Variants in EPS15L1 observed in about 807,000 individuals in gnomAD.
EPS15L1 encodes epidermal growth factor receptor substrate 15-like 1.
EPS15L1 carries 43 observed loss-of-function variants against 117.1 expected under a neutral mutation model. The ratio of observed to expected loss-of-function variants is 0.37; its 90% confidence interval spans 0.29 to 0.47. The LOEUF is 0.47. Ranked by LOEUF, EPS15L1 falls within the 20% of genes least tolerant of loss-of-function variation. EPS15L1 has a pLI of 0.99. For synonymous variants in EPS15L1, 459 were observed against 470.5 expected (o/e 0.98, Z 0.32); for missense variants, 981 against 1,164.0 (o/e 0.84, Z 2.29).
rs556818190 is a variant in EPS15L1 at position 16,374,724 on chromosome 19, C to T, written c.2380+2398G>A. Among the ~76,000 whole-genome samples, 6 of 152,254 alleles carry T rather than the reference C, an allele frequency of 3.9e-5. No homozygotes were observed. In the East Asian group the frequency reaches 1.2e-3, roughly 29 times the overall value. ...ACCTGTGAGCTGTTGAGTGGGATGGCTCCTCCTCAGGGCCCAGCAAATACG... is the reference window on the plus strand; with the variant it reads ...ACCTGTGAGCTGTTGAGTGGGATGGTTCCTCCTCAGGGCCCAGCAAATACG... On this transcript the variant is annotated intron_variant, in intron 22 of 23. Coordinates refer to ENST00000455140, the MANE Select transcript of EPS15L1 (RefSeq NM_001258374.3).
At chr19:16,366,790 C>T (rs1250005836) in intron 22 of EPS15L1, among the ~76,000 whole-genome samples, 3 of 152,166 alleles carry the variant, frequency 2.0e-5, no homozygotes, top group African/African-American at 4.8e-5. Flanking sequence ...AGAAAGCCCC[C>T]GGCATCACTG....
At chr19:16,368,285 C>G (rs1043852932) in intron 22 of EPS15L1, among the ~76,000 whole-genome samples, 1 of 152,164 alleles carries the variant, frequency 6.6e-6, no homozygotes, top group Non-Finnish European at 1.5e-5. Context: ...TGATCCTACA[C>G]AACAGTGGAC....
chr19:16,366,844 G>A (rs1396233875), intron 22 of EPS15L1, among the ~76,000 whole-genome samples: 1 of 152,162 alleles, frequency 6.6e-6, no homozygotes. Flanking sequence ...TTTGCTCAGC[G>A]ATTTATTTTT....
At chr19:16,446,354 AACTCTC>A (rs1414250881) in intron 1 of EPS15L1, among the ~76,000 whole-genome samples, 2 of 152,130 alleles carry the variant, frequency 1.3e-5, no homozygotes, top group East Asian at 1.9e-4. Flanking sequence ...CTCCTGCCCA[AACTCTC>A]ACTCTCACTC....
intron 1 of EPS15L1, among the ~76,000 whole-genome samples, chr19:16,464,570 G>A (rs572250384): frequency 2.2e-4 from 33 of 152,268 alleles, no homozygotes; most frequent in Admixed American, 1.9e-3. Context: ...AGTCCCAGCC[G>A]CATGTTTTGG....
intron 15 of EPS15L1, 24 bp downstream of exon 15, chr19:16,403,709 C>G: frequency 1.2e-6 from 2 of 1,605,850 alleles, no homozygotes; most frequent in Non-Finnish European, 1.7e-6. Flanking sequence ...TGGCATGTGG[C>G]AGGGACCCGA....
In EPS15L1 at chr19:16,404,796, C is replaced by T. The variant is rs1352639533; in HGVS notation, c.1267-47G>A. 7 of 1,604,948 alleles carry T rather than the reference C, an allele frequency of 4.4e-6. No homozygotes were observed. Among genetic ancestry groups the T allele is most frequent in the Admixed American group, 1.7e-5 (1 of 59,628 alleles). ...TTACGTGAGGATGGGAAAAATGAAG[C>T]ATGTCCAAGATAACGGGGGGCAGCC... is the stretch of plus-strand genomic sequence containing the variant. On this transcript the variant is annotated intron_variant, in intron 13 of 23. Coordinates refer to ENST00000455140, the MANE Select transcript of EPS15L1 (RefSeq NM_001258374.3). This position sits in a 1 kb window ranked among gnomAD's most constrained non-coding sequence, Gnocchi z 4.2.
rs751672991 is a variant in EPS15L1, at chr19:16,362,019, A to G, written c.2381-35T>C. The G allele has an allele frequency of 2.6e-5, 40 of 1,555,076 alleles. No individual in the cohort carries two copies. The Admixed American group carries it at 7.3e-4, about 28-fold the overall frequency. On this transcript the variant is annotated intron_variant, in intron 22 of 23. Transcript: ENST00000455140. Reference sequence around the variant, plus strand: ...TTAGGAGAAAAAAAAAAGGAGAAAGAAAGAAATATGAGTTACTCACCCGGA... The same window carrying G: ...TTAGGAGAAAAAAAAAAGGAGAAAGGAAGAAATATGAGTTACTCACCCGGA...
rs111863051 is a variant in EPS15L1 at position 16,471,216 on chromosome 19, C to T, written c.33+697G>A. On this transcript the variant is annotated intron_variant, in intron 1 of 23. Transcript: ENST00000455140. The surrounding 1 kb of genome is among the most constrained non-coding windows in gnomAD (Gnocchi z 4.8). Reference sequence around the variant, plus strand: ...ACCTTGTCTGTCTGGAAGAATGCAGCGCTCCCAGCACCTGACCCAACGCAC... The same window carrying T: ...ACCTTGTCTGTCTGGAAGAATGCAGTGCTCCCAGCACCTGACCCAACGCAC... Among the ~76,000 whole-genome samples the T allele has an allele frequency of 5.3e-5, 8 of 152,310 alleles. No homozygotes were observed. Among genetic ancestry groups the T allele is most frequent in the African/African-American group, 1.7e-4 (7 of 41,570 alleles).
chr19:16,449,747 G>A (rs566488579), intron 1 of EPS15L1, among the ~76,000 whole-genome samples: 8 of 152,230 alleles, frequency 5.3e-5, no homozygotes, highest in Non-Finnish European at 1.0e-4. Flanking sequence ...GTAACACCCC[G>A]GATGTCCTCC....
At chr19:16,389,817 A>G (rs1173026251) in intron 19 of EPS15L1, among the ~76,000 whole-genome samples, 1 of 152,190 alleles carries the variant, frequency 6.6e-6, no homozygotes, top group Non-Finnish European at 1.5e-5. Flanking sequence ...ATACAATACT[A>G]ACCTCAAGTA....
chr19:16,356,792 TGAAAA>T (rs1474476979), intron 23 of EPS15L1: 2 of 152,160 alleles, frequency 1.3e-5, no homozygotes, highest in Non-Finnish European at 2.9e-5. Context: ...ACTTTAGTCA[TGAAAA>T]GAAAAGCCAC....
intron 23 of EPS15L1, among the ~76,000 whole-genome samples, chr19:16,360,744 T>C (rs1568385336): frequency 6.6e-6 from 1 of 152,042 alleles, no homozygotes; most frequent in Non-Finnish European, 1.5e-5. Flanking sequence ...CGAGACCCTG[T>C]CACTAAAATA....
At chr19:16,469,526 A>G (rs1046405474) in intron 1 of EPS15L1, among the ~76,000 whole-genome samples, 2 of 151,324 alleles carry the variant, frequency 1.3e-5, no homozygotes, top group South Asian at 2.1e-4. Flanking sequence ...TGCTGTTGGG[A>G]AAAAAAAATC....
At chr19:16,456,242 T>C (rs2093195079) in intron 1 of EPS15L1, among the ~76,000 whole-genome samples, 1 of 152,066 alleles carries the variant, frequency 6.6e-6, no homozygotes, top group African/African-American at 2.4e-5. Flanking sequence ...GGGTCCACCC[T>C]TGGATTCCCC....
At chr19:16,440,839 G>A (rs759100262) in intron 4 of EPS15L1, 23 bp downstream of exon 4, 1 of 1,612,916 alleles carries the variant, frequency 6.2e-7, no homozygotes, top group Non-Finnish European at 8.5e-7. Flanking sequence ...CCCTCCATTT[G>A]CTCTGTGTAC....
At chr19:16,398,134 C>T (rs1175394924) in intron 16 of EPS15L1, among the ~76,000 whole-genome samples, 1 of 152,174 alleles carries the variant, frequency 6.6e-6, no homozygotes, top group African/African-American at 2.4e-5. Flanking sequence ...GGGTGCAGGA[C>T]AGTTATGAGA....
At chr19:16,398,760 C>T (rs769290100) in intron 16 of EPS15L1, among the ~76,000 whole-genome samples, 21 of 152,240 alleles carry the variant, frequency 1.4e-4, no homozygotes, top group Non-Finnish European at 2.5e-4. Context: ...TGACCTGCTC[C>T]GCTTCTGACC....
intron 9 of EPS15L1, among the ~76,000 whole-genome samples, 188 bp from the exon 10 acceptor site, chr19:16,421,664 T>C (rs761096311): frequency 8.2e-4 from 124 of 152,118 alleles, no homozygotes; most frequent in Non-Finnish European, 1.4e-3. Context: ...CTGAGACAGG[T>C]TGAGGCTGGC....
Sources: allele counts gnomAD v4.1 joint callset (sites outside exome capture counted in the v4.1 genomes callset), GRCh38; gene constraint gnomAD v4.1.1; non-coding constraint Gnocchi (gnomAD v3.1); transcripts MANE v1.5; gene names NCBI Gene and HGNC (gene_info 2026-07-23, HGNC 2026-07-21).